USP36: variants seen among roughly 807,000 people sequenced by gnomAD.
The protein encoded by USP36 is ubiquitin specific peptidase 36.
In USP36, 59 loss-of-function variants were observed where a neutral mutation model predicts 111.5. The ratio of observed to expected loss-of-function variants is 0.53; its 90% CI spans 0.43 to 0.66. USP36 has a LOEUF of 0.66. Among genes scored for constraint, USP36 ranks in the 30% least tolerant of loss-of-function variants. The pLI is 0.00. For missense variants in USP36, 1,488 were observed against 1,468.0 expected, an observed-to-expected ratio of 1.01 and a Z score of -0.22; for synonymous variants, 628 against 581.0, an observed-to-expected ratio of 1.08 and a Z score of -1.16.
rs1333320215 is a variant in USP36 at position 78,798,442 on chromosome 17, G to C, written c.3350C>G (p.Ala1117Gly). ...CAGTCAGCGGCGATAGCTGAGGCTG[G>C]CAGCCTTTGCTGGGTGAGTCACAGA... ...FWSVTHPAKA[A>G]SLSYRR is the part of the protein sequence containing the mutation. Residue 1117 changes from alanine to glycine, a missense_variant, in exon 20 of 21, where the codon GCC becomes GGC. This residue lies in a region of USP36 where 1,073 missense variants were observed against 994.1 expected (regional missense o/e 1.08). Transcript: ENST00000449938. The surrounding 1 kb of genome is among the most constrained non-coding windows in gnomAD (Gnocchi z 5.1). The C allele has an allele frequency of 1.9e-6, 3 of 1,614,086 alleles. No homozygotes were observed. Among genetic ancestry groups the C allele is most frequent in the East Asian group, 2.2e-5 (1 of 44,888 alleles).
At chr17:78,810,817 C>G (rs1471677705) in intron 13 of USP36, among the ~76,000 whole-genome samples, 1 of 152,032 alleles carries the variant, frequency 6.6e-6, no homozygotes, top group Non-Finnish European at 1.5e-5. Context: ...GACGATCCAT[C>G]AAAAACAGTC....
At chr17:78,794,914 G>A (rs1232244021), downstream of USP36, among the ~76,000 whole-genome samples, 1 of 151,860 alleles carries the variant, frequency 6.6e-6, no homozygotes, top group East Asian at 1.9e-4. Flanking sequence ...GGCTGAGGCA[G>A]GAGAATTGCT....
chr17:78,811,286 G>A (rs1052345910), intron 13 of USP36, among the ~76,000 whole-genome samples: 2 of 151,964 alleles, frequency 1.3e-5, no homozygotes, highest in African/African-American at 4.8e-5. Flanking sequence ...TACACACAAA[G>A]GTAACTTAGA....
downstream of USP36, among the ~76,000 whole-genome samples, chr17:78,794,052 T>C (rs886846780): frequency 6.6e-6 from 1 of 152,172 alleles, no homozygotes; most frequent in Admixed American, 6.5e-5. Flanking sequence ...AGAAATCATC[T>C]TAAACTCCAC....
rs1285188624 is a variant in USP36 at position 78,807,074 on chromosome 17, C to T, written c.1970G>A (p.Gly657Glu). The T allele has an allele frequency of 1.2e-6, 2 of 1,614,116 alleles. No individual in the cohort carries two copies. The highest frequency in any genetic ancestry group is 1.7e-6 in the Non-Finnish European group (2 of 1,180,050). The change falls in exon 14 of 21, where the codon GGA becomes GAA. Residue 657 changes from glycine (G) to glutamate (E), a missense_variant. This residue lies in a region of USP36 where 1,073 missense variants were observed against 994.1 expected (regional missense o/e 1.08). Transcript: ENST00000449938. ...TAGHSKTPPS[G>E]ADSKTVKLKS... is the part of the protein sequence containing the mutation. ...CAGCTTCACCGTCTTAGAATCTGCT[C>T]CACTTGGCGGCGTTTTGGAGTGGCC... is the stretch of plus-strand genomic sequence containing the variant.
intron 14 of USP36, 124 bp from the exon 15 acceptor site, chr17:78,806,410 G>C (rs2093903064): frequency 1.5e-6 from 2 of 1,297,202 alleles, no homozygotes; most frequent in Non-Finnish European, 1.1e-6. Flanking sequence ...AAGATGAGGA[G>C]ACAGAAGAAG....
intron 11 of USP36, 152 bp downstream of exon 11, chr17:78,814,260 A>C: frequency 9.4e-7 from 1 of 1,068,578 alleles, no homozygotes. Context: ...GCATCTTTTC[A>C]CTCCACGCAG....
At chr17:78,836,798 GAC>G (rs71365539) in intron 2 of USP36, among the ~76,000 whole-genome samples, 5,499 of 145,706 alleles carry the variant, frequency 0.038, 308 homozygotes, top group African/African-American at 0.14. Flanking sequence ...TACACACACG[GAC>G]ACACACACAC....
In USP36 at chr17:78,807,430, C is replaced by A. The variant is rs778327038; in HGVS notation, c.1614G>T (p.Lys538Asn). ...ILDDPGKKVK[K>N]PAPPQHFSPR... The stretch of plus-strand genomic sequence containing the variant: ...GGGAAAAGTGCTGTGGAGGAGCTGG[C>A]TTCTTCACCTTCTTTCCAGGGTCGT... The change falls in exon 14 of 21, where the codon AAG (lysine) becomes AAT (asparagine). Residue 538 changes from lysine to asparagine, a missense_variant. Transcript: ENST00000449938. 4 of 1,614,146 alleles carry A rather than the reference C, an allele frequency of 2.5e-6. No homozygotes were observed. Among genetic ancestry groups the A allele is most frequent in the Non-Finnish European group, 3.4e-6 (4 of 1,179,998 alleles).
At position 78,798,279 on chromosome 17, in the gene USP36, A is replaced by G; in HGVS notation, c.*20+121T>C. 7.5e-7 allele frequency: 1 copy of G among 1,328,188 alleles called. No individual in the cohort carries two copies. Among genetic ancestry groups the G allele is most frequent in the South Asian group, 1.4e-5 (1 of 71,924 alleles). 82.3% of individuals were successfully genotyped at this position (1,328,188 alleles called of 1,614,324 possible). A position where few individuals can be genotyped will look rare whatever the true frequency, so the allele number is the denominator to read the frequency against. On this transcript the variant is annotated intron_variant, in intron 20 of 20. Coordinates refer to ENST00000449938, the MANE Select transcript of USP36 (RefSeq NM_001385174.1). This position sits in a 1 kb window ranked among gnomAD's most constrained non-coding sequence, Gnocchi z 5.1. ...ACACCACACACACCACCCAACACAC[A>G]TGTGCCAGATACACAGCCCACATAC...
chr17:78,792,123 G>T (rs1443140102), downstream of USP36: 1 of 152,396 alleles, frequency 6.6e-6, no homozygotes, highest in African/African-American at 2.4e-5. Flanking sequence ...AGGTCACTGA[G>T]AAGTGATGAT....
intron 15 of USP36, 115 bp downstream of exon 15, chr17:78,806,041 C>T: frequency 6.4e-7 from 1 of 1,558,600 alleles, no homozygotes; most frequent in Non-Finnish European, 8.7e-7. Flanking sequence ...CCTGGCTGCC[C>T]CAATGCTTTG....
intron 13 of USP36, among the ~76,000 whole-genome samples, 153 bp from the exon 14 acceptor site, chr17:78,807,789 C>T (rs1049539619): frequency 6.6e-6 from 1 of 152,226 alleles, no homozygotes; most frequent in African/African-American, 2.4e-5. Flanking sequence ...GGTAAAGACA[C>T]TGTGGCTTCT....
chr17:78,829,583 A>G (rs958110537), intron 4 of USP36, among the ~76,000 whole-genome samples: 1 of 152,176 alleles, frequency 6.6e-6, no homozygotes, highest in Admixed American at 6.5e-5. Context: ...TCTAGTCACA[A>G]CTATGCTCCT....
intron 17 of USP36, among the ~76,000 whole-genome samples, chr17:78,800,969 ATTTTTTT>A (rs746497209): frequency 1.5e-4 from 15 of 97,194 alleles, no homozygotes; most frequent in African/African-American, 4.9e-4. Context: ...TTAGGGCAGT[ATTTTTTT>A]TTTTTTTTTT....
intron 4 of USP36, 25 bp downstream of exon 4, chr17:78,835,255 C>A: frequency 1.2e-6 from 2 of 1,609,718 alleles, no homozygotes; most frequent in South Asian, 2.2e-5. Flanking sequence ...CCACAGCCAC[C>A]CCACTGCTGC....
chr17:78,824,177 G>C (rs540252609), intron 6 of USP36, among the ~76,000 whole-genome samples: 2 of 152,360 alleles, frequency 1.3e-5, no homozygotes, highest in Non-Finnish European at 1.5e-5. Flanking sequence ...GCCAACTGGA[G>C]GGTGGGCAAT....
At chr17:78,830,380 G>C (rs2067975057) in intron 4 of USP36, among the ~76,000 whole-genome samples, 1 of 152,194 alleles carries the variant, frequency 6.6e-6, no homozygotes, top group Admixed American at 6.5e-5. Context: ...ACTGAATGAA[G>C]AGACCACTGT....
intron 6 of USP36, among the ~76,000 whole-genome samples, chr17:78,822,529 C>G (rs1402808658): frequency 6.6e-6 from 1 of 152,116 alleles, no homozygotes; most frequent in African/African-American, 2.4e-5. Context: ...GCACCCGTCT[C>G]AGAGAGGACA....
Sources: allele counts gnomAD v4.1 joint callset (sites outside exome capture counted in the v4.1 genomes callset), GRCh38; gene constraint gnomAD v4.1.1; regional missense constraint gnomAD v4.1.1; non-coding constraint Gnocchi (gnomAD v3.1); transcripts MANE v1.5; gene names NCBI Gene and HGNC (gene_info 2026-07-23, HGNC 2026-07-21).